MYH13: variants seen among roughly 807,000 people sequenced by gnomAD.
MYH13 encodes myosin heavy chain 13.
A neutral mutation model predicts 232.1 loss-of-function variants in MYH13; 177 were observed. That is an observed-to-expected ratio of 0.76 (90% CI 0.67 to 0.86). The LOEUF (loss-of-function observed/expected upper bound fraction) is 0.86. Ranked by LOEUF, MYH13 falls within the 40% of genes least tolerant of loss-of-function variation. The pLI is 0.00. For synonymous variants in MYH13, 884 were observed against 923.5 expected (o/e 0.96, Z 0.78); for missense variants, 2,246 against 2,405.9 (o/e 0.93, Z 1.39).
At chr17:10,372,228 C>T (rs2068762132) in intron 1 of MYH13, among the ~76,000 whole-genome samples, 1 of 152,198 alleles carries the variant, frequency 6.6e-6, no homozygotes, top group African/African-American at 2.4e-5. Context: ...GGCAGAGCTA[C>T]AGAAATTCTA....
rs1241099015 is a variant in MYH13 at position 10,364,552 on chromosome 17, C to A, written c.-12-10G>T. Reference sequence around the variant, plus strand: ...TCATGACTGCAGAGGGCTGGGAAGACCAGAGGGACTGCTGAGTCTTGTGCT... The same window carrying A: ...TCATGACTGCAGAGGGCTGGGAAGAACAGAGGGACTGCTGAGTCTTGTGCT... On this transcript the variant is annotated splice_polypyrimidine_tract_variant and intron_variant, in intron 2 of 40. Transcript: ENST00000252172. The A allele has an allele frequency of 1.9e-6, 3 of 1,567,212 alleles. No homozygotes were observed. The highest frequency in any genetic ancestry group is 2.6e-6 in the Non-Finnish European group (3 of 1,153,886).
At chr17:10,350,418 G>C in intron 12 of MYH13, 138 bp downstream of exon 12, 1 of 1,242,818 alleles carries the variant, frequency 8.0e-7, no homozygotes, top group Non-Finnish European at 1.1e-6. Flanking sequence ...ATGCTACAAT[G>C]AGCTTCAGGA....
At chr17:10,314,742 C>A (rs540391537) in intron 29 of MYH13, among the ~76,000 whole-genome samples, 1 of 152,274 alleles carries the variant, frequency 6.6e-6, no homozygotes, top group East Asian at 1.9e-4. Flanking sequence ...ACTCTTAGTC[C>A]CCTATTCTGA....
At chr17:10,354,622 C>T in intron 11 of MYH13, 58 bp downstream of exon 11, 7 of 1,490,368 alleles carry the variant, frequency 4.7e-6, no homozygotes, top group Non-Finnish European at 5.6e-6. Flanking sequence ...TAACGTGTCT[C>T]TCAGTTCATA....
At position 10,315,683 on chromosome 17, in the gene MYH13, A is replaced by G. The variant is rs373530742; in HGVS notation, c.3984+10T>C. The G allele has an allele frequency of 4.3e-6, 7 of 1,611,610 alleles. No individual in the cohort carries two copies. Among genetic ancestry groups the G allele is most frequent in the East Asian group, 2.2e-5 (1 of 44,860 alleles). ...GGCTTCTCAGGTTCAATCTGACTCT[A>G]TATCTTTACCTTGGTTTCTTCTTCC... is the stretch of plus-strand genomic sequence containing the variant. On this transcript the variant is annotated intron_variant, in intron 29 of 40. Transcript: ENST00000252172.
chr17:10,324,041 T>C lies in MYH13; in HGVS notation c.2915A>G (p.Lys972Arg). ...ELTLTKVEKE[K>R]HATENKVKNL... Reference sequence around the variant, plus strand: ...GCTCACCTTGTTCTCTGTGGCATGCTTCTCCTTTTCAACTTTCGTCAAGGT... The same window carrying C: ...GCTCACCTTGTTCTCTGTGGCATGCCTCTCCTTTTCAACTTTCGTCAAGGT... The change falls in exon 23 of 41, where the codon AAG becomes AGG. Residue 972 changes from lysine to arginine, a missense_variant. Lys to Arg is a conservative substitution (Grantham distance 26). Coordinates refer to ENST00000252172, the MANE Select transcript of MYH13 (RefSeq NM_003802.3). The C allele has an allele frequency of 6.2e-7, 1 of 1,614,022 alleles. No homozygotes were observed. The highest frequency in any genetic ancestry group is 1.3e-5 in the African/African-American group (1 of 75,038).
At chr17:10,335,233 T>C (rs990757281) in intron 18 of MYH13, among the ~76,000 whole-genome samples, 2 of 152,180 alleles carry the variant, frequency 1.3e-5, no homozygotes, top group African/African-American at 4.8e-5. Context: ...ATTTAAAATA[T>C]TGTATAAAAT....
intron 8 of MYH13, 147 bp from the exon 9 acceptor site, chr17:10,355,294 A>G: frequency 2.2e-6 from 2 of 896,408 alleles, no homozygotes; most frequent in East Asian, 2.7e-5. Flanking sequence ...AACCTTCTGG[A>G]TTTGCATTTT....
At chr17:10,365,284 T>C (rs190178067) in intron 2 of MYH13, among the ~76,000 whole-genome samples, 58 of 152,344 alleles carry the variant, frequency 3.8e-4, no homozygotes, top group Admixed American at 2.6e-3. Context: ...TAATTCTTAA[T>C]AGACATTTTG....
At chr17:10,353,859 C>T (rs1347067665) in intron 11 of MYH13, among the ~76,000 whole-genome samples, 4 of 147,760 alleles carry the variant, frequency 2.7e-5, no homozygotes, top group Non-Finnish European at 4.5e-5. Context: ...GGCGACAGAG[C>T]GAGACTCTGT....
At chr17:10,368,509 A>G (rs1419706605) in intron 2 of MYH13, among the ~76,000 whole-genome samples, 2 of 152,222 alleles carry the variant, frequency 1.3e-5, no homozygotes, top group African/African-American at 4.8e-5. Context: ...TGGACTTCCC[A>G]TTTCATCACA....
chr17:10,307,607 TA>T (rs967269812), intron 35 of MYH13, among the ~76,000 whole-genome samples: 25 of 151,704 alleles, frequency 1.6e-4, no homozygotes, highest in African/African-American at 4.6e-4. Flanking sequence ...TCATTAGCAA[TA>T]AAAAAAATAC....
chr17:10,362,083 G>T (rs2071798127), intron 5 of MYH13, 35 bp downstream of exon 5: 1 of 1,612,926 alleles, frequency 6.2e-7, no homozygotes, highest in Admixed American at 1.7e-5. Context: ...AACTAAGGAT[G>T]GCTTCAAAAA....
chr17:10,309,047 AAG>A (rs1275167996), intron 35 of MYH13, among the ~76,000 whole-genome samples, 185 bp downstream of exon 35: 1 of 152,274 alleles, frequency 6.6e-6, no homozygotes, highest in African/African-American at 2.4e-5. Flanking sequence ...TCTGTCAATC[AAG>A]AGTCAGTTAT....
rs577557132 is a variant in MYH13 at position 10,351,282 on chromosome 17, C to G, written c.1006-588G>C. Among the ~76,000 whole-genome samples the G allele has an allele frequency of 6.1e-5, 9 of 148,454 alleles. No homozygotes were observed. The South Asian group carries it at 1.5e-3, about 25-fold the overall frequency. On this transcript the variant is annotated intron_variant, in intron 11 of 40. Coordinates refer to ENST00000252172, the MANE Select transcript of MYH13 (RefSeq NM_003802.3). ...CTCACTGTACATAGATTTGGGGGAGCAGTTTTCTGGATGAGGCGATTGGGA... is the reference window on the plus strand; with the variant it reads ...CTCACTGTACATAGATTTGGGGGAGGAGTTTTCTGGATGAGGCGATTGGGA...
At chr17:10,340,488 T>G in intron 16 of MYH13, 87 bp from the exon 17 acceptor site, 1 of 1,009,296 alleles carries the variant, frequency 9.9e-7, no homozygotes, top group South Asian at 1.6e-5. Context: ...CAGCCCCGAG[T>G]TCTGGTTTCC....
chr17:10,331,853 C>T (rs1907416950), intron 20 of MYH13, among the ~76,000 whole-genome samples: 1 of 152,152 alleles, frequency 6.6e-6, no homozygotes, highest in South Asian at 2.1e-4. Flanking sequence ...CACTAGAGTT[C>T]CCCATTGGCT....
At chr17:10,340,721 G>A (rs1462187421) in intron 16 of MYH13, among the ~76,000 whole-genome samples, 3 of 151,856 alleles carry the variant, frequency 2.0e-5, no homozygotes, top group Admixed American at 2.0e-4. Context: ...ATTTCACCAT[G>A]TTGGCCAGGC....
At chr17:10,346,961 A>T (rs1311590399) in intron 12 of MYH13, among the ~76,000 whole-genome samples, 163 bp from the exon 13 acceptor site, 2 of 152,186 alleles carry the variant, frequency 1.3e-5, no homozygotes, top group Non-Finnish European at 2.9e-5. Flanking sequence ...CTTTAATCCC[A>T]TATCCAGGGG....
Sources: allele counts gnomAD v4.1 joint callset (sites outside exome capture counted in the v4.1 genomes callset), GRCh38; gene constraint gnomAD v4.1.1; transcripts MANE v1.5; gene names NCBI Gene and HGNC (gene_info 2026-07-23, HGNC 2026-07-21).